The following SRR variants were observed in gnomAD, a reference collection of about 807,000 sequenced individuals.
SRR encodes the protein serine racemase.
SRR carries 19 observed loss-of-function variants against 32.7 expected under a neutral mutation model. The ratio of observed to expected loss-of-function variants is 0.58; its 90% CI spans 0.40 to 0.85. SRR has a LOEUF of 0.85. SRR is among the 40% of genes least tolerant of loss of function. The pLI is 0.00. For synonymous variants in SRR, 142 were observed against 140.9 expected, an observed-to-expected ratio of 1.01 and a Z score of -0.06; for missense variants, 373 against 404.7, an observed-to-expected ratio of 0.92 and a Z score of 0.67.
chr17:2,323,842 G>T lies in SRR; in HGVS notation c.992G>T (p.Arg331Met). ...SSITWVKQAE[R>M]PASYQSVSV ...ATAACTTGGGTGAAGCAGGCTGAAA[G>T]GCCAGCTTCTTATCAGTCTGTTTCT... The change falls in exon 8 of 8, where the codon AGG becomes ATG. Residue 331 changes from arginine (R) to methionine (M), a missense_variant. By Grantham distance (91) the Arg-to-Met change is moderately conservative (BLOSUM62 -1). Coordinates refer to ENST00000344595, the MANE Select transcript of SRR (RefSeq NM_021947.3). 2 of 1,614,154 alleles carry T rather than the reference G, an allele frequency of 1.2e-6. No homozygotes were observed. The highest frequency in any genetic ancestry group is 1.7e-6 in the Non-Finnish European group (2 of 1,180,020).
chr17:2,303,413 G>T, upstream of SRR: 1 of 1,256,484 alleles, frequency 8.0e-7, no homozygotes, highest in Non-Finnish European at 1.0e-6. Context: ...CAGGAATTCG[G>T]GCCAGGCTCT....
At chr17:2,318,109 A>G (rs2075492469) in intron 3 of SRR, 113 bp downstream of exon 3, 2 of 1,227,096 alleles carry the variant, frequency 1.6e-6, no homozygotes, top group African/African-American at 1.5e-5. Flanking sequence ...AGAAATCTCT[A>G]TCTGATTGCA....
intron 6 of SRR, 134 bp from the exon 7 acceptor site, chr17:2,323,002 T>G: frequency 1.2e-6 from 1 of 845,820 alleles, no homozygotes; most frequent in South Asian, 1.7e-5. Flanking sequence ...TGACCTCAGC[T>G]GATCCACCCG....
chr17:2,303,529 G>C, upstream of SRR: 3 of 1,339,094 alleles, frequency 2.2e-6, no homozygotes, highest in Non-Finnish European at 2.9e-6. Flanking sequence ...TGGGGGAAGG[G>C]GCGGGGGCTC....
At chr17:2,320,458 A>G (rs1213258554) in intron 4 of SRR, among the ~76,000 whole-genome samples, 8 of 146,068 alleles carry the variant, frequency 5.5e-5, no homozygotes, top group Non-Finnish European at 1.1e-4. Flanking sequence ...GTTTCACCAT[A>G]TTGGCCAGGC....
chr17:2,321,429 A>G lies in SRR; in HGVS notation c.519+4A>G, dbSNP rs569764621. On this transcript the variant is annotated splice_donor_region_variant and intron_variant, in intron 5 of 7. Coordinates refer to ENST00000344595, the MANE Select transcript of SRR (RefSeq NM_021947.3). Reference sequence around the variant, plus strand: ...TGCCCTGGAAGTGCTGAACCAGGTAAAATAGCTGAGTTCTTCCTGTTTAGC... The same window carrying G: ...TGCCCTGGAAGTGCTGAACCAGGTAGAATAGCTGAGTTCTTCCTGTTTAGC... 6 of 1,611,978 alleles carry G rather than the reference A, an allele frequency of 3.7e-6. No individual in the cohort carries two copies. The highest frequency in any genetic ancestry group is 1.7e-5 in the Admixed American group (1 of 59,686).
In SRR at chr17:2,315,575, T is replaced by C; in HGVS notation, c.15T>C (p.Tyr5=). The C allele has an allele frequency of 6.2e-7, 1 of 1,613,958 alleles. No homozygotes were observed. The highest frequency in any genetic ancestry group is 8.5e-7 in the Non-Finnish European group (1 of 1,179,966). MCAQ[Y]CISFADVEKA... is the part of the protein sequence containing the mutation. ...GTTTCAGAACCATGTGTGCTCAGTATTGCATCTCCTTTGCTGATGTTGAAA... is the reference window on the plus strand; with the variant it reads ...GTTTCAGAACCATGTGTGCTCAGTACTGCATCTCCTTTGCTGATGTTGAAA... Residue 5 remains tyrosine, a synonymous_variant, in exon 2 of 8, where the codon TAT becomes TAC. Transcript: ENST00000344595.
chr17:2,317,905 T>G lies in SRR; in HGVS notation c.204T>G (p.Val68=). 1 of 1,613,988 alleles carries G rather than the reference T, an allele frequency of 6.2e-7. No homozygotes were observed. The highest frequency in any genetic ancestry group is 1.7e-5 in the Admixed American group (1 of 59,996). The change falls in exon 3 of 8, where the codon GTT becomes GTG. Residue 68 remains valine, a synonymous_variant. Transcript: ENST00000344595. ...RGALNAVRSL[V]PDALERKPKA... is the part of the protein sequence containing the mutation. Reference sequence around the variant, plus strand: ...CTCTCAATGCCGTCAGAAGCTTGGTTCCTGATGCTTTAGAAAGGAAGCCGA... The same window carrying G: ...CTCTCAATGCCGTCAGAAGCTTGGTGCCTGATGCTTTAGAAAGGAAGCCGA...
chr17:2,304,277 G>C (rs1475561805), intron 1 of SRR, among the ~76,000 whole-genome samples: 3 of 11,434 alleles, frequency 2.6e-4, no homozygotes, highest in African/African-American at 9.5e-4. Flanking sequence ...TTGGAGTCTC[G>C]CTCTGTTGGA....
rs749825032 is a variant in SRR, at chr17:2,321,432, T to C, written c.519+7T>C. On this transcript the variant is annotated splice_region_variant and intron_variant, in intron 5 of 7. Transcript: ENST00000344595. ...CCTGGAAGTGCTGAACCAGGTAAAATAGCTGAGTTCTTCCTGTTTAGCTAC... is the reference window on the plus strand; with the variant it reads ...CCTGGAAGTGCTGAACCAGGTAAAACAGCTGAGTTCTTCCTGTTTAGCTAC... The C allele has an allele frequency of 4.3e-6, 7 of 1,611,872 alleles. No individual in the cohort carries two copies. The highest frequency in any genetic ancestry group is 5.1e-6 in the Non-Finnish European group (6 of 1,178,816).
chr17:2,323,162 T>C lies in SRR; in HGVS notation c.621T>C (p.Tyr207=). Residue 207 remains tyrosine, a synonymous_variant, in exon 7 of 8, where the codon TAT becomes TAC. Coordinates refer to ENST00000344595, the MANE Select transcript of SRR (RefSeq NM_021947.3). Reference sequence around the variant, plus strand: ...CTCTGAAACCTAGTGTGAAGGTATATGCTGCTGAACCCTCAAATGCAGATG... The same window carrying C: ...CTCTGAAACCTAGTGTGAAGGTATACGCTGCTGAACCCTCAAATGCAGATG... The part of the protein sequence containing the change: ...VKALKPSVKV[Y]AAEPSNADDC... 6.2e-7 allele frequency: 1 copy of C among 1,614,226 alleles called. No homozygotes were observed. The highest frequency in any genetic ancestry group is 8.5e-7 in the Non-Finnish European group (1 of 1,180,046).
upstream of SRR, chr17:2,303,780 C>A: frequency 7.1e-7 from 1 of 1,401,972 alleles, no homozygotes; most frequent in South Asian, 1.3e-5. Flanking sequence ...GCCAGGAAAC[C>A]ACCACAGACG....
intron 1 of SRR, among the ~76,000 whole-genome samples, chr17:2,314,399 C>T (rs1048062471): frequency 7.9e-5 from 12 of 151,912 alleles, no homozygotes; most frequent in African/African-American, 1.5e-4. Flanking sequence ...CTGGCTAACA[C>T]GGTGAAACCC....
chr17:2,317,206 GGAAAAAAAAAA>G (rs2075481480), intron 2 of SRR, among the ~76,000 whole-genome samples: 2 of 111,858 alleles, frequency 1.8e-5, no homozygotes, highest in South Asian at 5.7e-4. Context: ...CCATCTCGGG[GGAAAAAAAAAA>G]AAAAAAAAAA....
chr17:2,324,880 T>A lies in SRR; in HGVS notation c.*1007T>A. On this transcript the variant is annotated 3_prime_UTR_variant, in exon 8 of 8. Coordinates refer to ENST00000344595, the MANE Select transcript of SRR (RefSeq NM_021947.3). ...TTTAGGAATTTACAGGCCAAAGTCT[T>A]CATTTATTGCCCAGTCCATTTAAAG... The A allele has an allele frequency of 6.4e-7, 1 of 1,569,226 alleles. No homozygotes were observed. Among genetic ancestry groups the A allele is most frequent in the Non-Finnish European group, 8.6e-7 (1 of 1,162,678 alleles).
In SRR at chr17:2,318,842, T is replaced by C. The variant is rs2075501023; in HGVS notation, c.312T>C (p.Ile104=). The stretch of plus-strand genomic sequence containing the variant: ...CTCTCCCAGGAATTCCTGCTTATAT[T>C]GTGGTGCCCCAGACAGCTCCAGACT... ...AAKLEGIPAY[I]VVPQTAPDCK... The change falls in exon 4 of 8, where the codon ATT becomes ATC. Residue 104 remains isoleucine, a synonymous_variant. Transcript: ENST00000344595. 1 of 1,613,460 alleles carries C rather than the reference T, an allele frequency of 6.2e-7. No homozygotes were observed. Among genetic ancestry groups the C allele is most frequent in the Admixed American group, 1.7e-5 (1 of 59,968 alleles).
In SRR at chr17:2,304,811, G is replaced by GA. The variant is rs1455642123; in HGVS notation, c.-5+801dup. ...AATTTCTGTGTCACTATGGATTCTT[G>GA]AAAAAAATTACTGCTGTGGATCTCA... On this transcript the variant is annotated intron_variant, in intron 1 of 7. Transcript: ENST00000344595. Among the ~76,000 whole-genome samples, 7 of 151,128 alleles carry GA rather than the reference G, an allele frequency of 4.6e-5. No homozygotes were observed. In the East Asian group the frequency reaches 1.2e-3, roughly 25 times the overall value.
intron 1 of SRR, chr17:2,307,697 T>A (rs1041949158): frequency 3.0e-5 from 30 of 1,016,076 alleles, no homozygotes; most frequent in Middle Eastern, 3.0e-4. Flanking sequence ...GCAGTAGCTA[T>A]GGCAGTGGCG....
chr17:2,318,927 G>A lies in SRR; in HGVS notation c.397G>A (p.Glu133Lys), dbSNP rs758231985. 3 of 1,604,798 alleles carry A rather than the reference G, an allele frequency of 1.9e-6. No homozygotes were observed. The highest frequency in any genetic ancestry group is 1.1e-5 in the South Asian group (1 of 90,898). ...ASIVYCEPSD[E>K]SRENVAKRVT... ...AATTGTATACTGTGAACCTAGTGATGAGGTAAGGAGAGCAGTGCTTGGTAC... is the reference window on the plus strand; with the variant it reads ...AATTGTATACTGTGAACCTAGTGATAAGGTAAGGAGAGCAGTGCTTGGTAC... The change falls in exon 4 of 8, where the codon GAG becomes AAG. Residue 133 changes from glutamate (E) to lysine (K), a missense_variant and splice_region_variant. Transcript: ENST00000344595.
Sources: allele counts gnomAD v4.1 joint callset (sites outside exome capture counted in the v4.1 genomes callset), GRCh38; gene constraint gnomAD v4.1.1; transcripts MANE v1.5; gene names NCBI Gene and HGNC (gene_info 2026-07-23, HGNC 2026-07-21).